The following ACTN3 variants were observed in gnomAD, a reference collection of about 807,000 sequenced individuals.
ACTN3 encodes actinin alpha 3.
Under a neutral mutation model 119.6 loss-of-function variants are expected in ACTN3, and 91 were observed. The observed-to-expected ratio is 0.76, with a 90% CI of 0.64 to 0.91. ACTN3 has a LOEUF of 0.91. Among genes scored for constraint, ACTN3 ranks in the 40% least tolerant of loss-of-function variants. The pLI is 0.00. For missense variants in ACTN3, 1,221 were observed against 1,215.1 expected, an observed-to-expected ratio of 1.00 and a Z score of -0.07; for synonymous variants, 456 against 478.8, an observed-to-expected ratio of 0.95 and a Z score of 0.62.
Position 66,559,425 on chromosome 11 carries a change from G to A in ACTN3, c.1427+39G>A, listed in dbSNP as rs995194572. 5 of 1,215,662 alleles carry A rather than the reference G, an allele frequency of 4.1e-6. No homozygotes were observed. In the African/African-American group the frequency reaches 6.7e-5, roughly 16 times the overall value. 75.3% of individuals were successfully genotyped at this position (1,215,662 alleles called of 1,614,324 possible). On this transcript the variant is annotated intron_variant, in intron 12 of 20. Transcript: ENST00000513398. ...CGCGGGGCCCGCCCCCAACACCCCC[G>A]GCCCCGCCCCCGGTGGCGAGCCCCA... is the stretch of plus-strand genomic sequence containing the variant.
At chr11:66,546,473 G>T, upstream of ACTN3, 2 of 1,489,170 alleles carry the variant, frequency 1.3e-6, no homozygotes, top group Non-Finnish European at 1.8e-6. Context: ...CAGAAAACAT[G>T]CAAAACAGCT....
chr11:66,554,725 A>G, intron 5 of ACTN3, 102 bp downstream of exon 5: 1 of 969,416 alleles, frequency 1.0e-6, no homozygotes, highest in Non-Finnish European at 1.5e-6. Flanking sequence ...GGTCTCTGTC[A>G]CAAGCCACAG....
intron 17 of ACTN3, 25 bp downstream of exon 17, chr11:66,561,662 G>A (rs1857771756): frequency 6.2e-7 from 1 of 1,600,418 alleles, no homozygotes; most frequent in Non-Finnish European, 8.5e-7. Context: ...TCTCAGGAGA[G>A]TGGGGAGGCA....
Position 66,558,175 on chromosome 11 carries a change from G to A in ACTN3, c.1276+1G>A, listed in dbSNP as rs376872731. Reference sequence around the variant, plus strand: ...TCCCTGCACGAAGCCTGGACCCGGGGTAGGTAGACCTACCTCATGGGGCTG... The same window carrying A: ...TCCCTGCACGAAGCCTGGACCCGGGATAGGTAGACCTACCTCATGGGGCTG... On this transcript the variant is annotated splice_donor_variant, in intron 11 of 20. Coordinates refer to ENST00000513398, the MANE Select transcript of ACTN3 (RefSeq NM_001104.4). LOFTEE classifies it high-confidence loss of function. 119 of 1,612,678 alleles carry A rather than the reference G, an allele frequency of 7.4e-5. No individual in the cohort carries two copies. The highest frequency in any genetic ancestry group is 6.8e-4 in the Admixed American group (41 of 60,026).
intron 2 of ACTN3, 48 bp from the exon 3 acceptor site, chr11:66,551,480 A>G: frequency 3.8e-6 from 6 of 1,595,826 alleles, no homozygotes; most frequent in Non-Finnish European, 5.1e-6. Context: ...CAATAGCTTC[A>G]GCTGCCTCTC....
Position 66,560,331 on chromosome 11 carries a change from GGGAT to G in ACTN3, c.1677+25_1677+28del. 1.2e-6 allele frequency: 2 copies of G among 1,605,208 alleles called. No homozygotes were observed. Among genetic ancestry groups the G allele is most frequent in the Non-Finnish European group, 1.7e-6 (2 of 1,174,616 alleles). ...ACCCAGGTGGGTGCCAGGGTTGCAGGGGATGGATAGGATGACAGGAAAGCTGGCC... is the reference window on the plus strand; with the variant it reads ...ACCCAGGTGGGTGCCAGGGTTGCAGGGGATAGGATGACAGGAAAGCTGGCC... On this transcript the variant is annotated intron_variant, in intron 14 of 20. Transcript: ENST00000513398.
At position 66,546,923 on chromosome 11, in the gene ACTN3, A is replaced by G. The variant is rs903643700; in HGVS notation, c.-15A>G. On this transcript the variant is annotated 5_prime_UTR_variant, in exon 1 of 21. Coordinates refer to ENST00000513398, the MANE Select transcript of ACTN3 (RefSeq NM_001104.4). ...AGAGCGTGCCGAGCGGAGCGAAGCCAGGAGCCCGATCGAGATGATGATGGT... is the reference window on the plus strand; with the variant it reads ...AGAGCGTGCCGAGCGGAGCGAAGCCGGGAGCCCGATCGAGATGATGATGGT... 9 of 1,536,836 alleles carry G rather than the reference A, an allele frequency of 5.9e-6. No individual in the cohort carries two copies. The highest frequency in any genetic ancestry group is 7.9e-6 in the Non-Finnish European group (9 of 1,145,642).
chr11:66,556,097 G>C, intron 7 of ACTN3, 48 bp from the exon 8 acceptor site: 1 of 1,549,822 alleles, frequency 6.5e-7, no homozygotes, highest in Non-Finnish European at 8.8e-7. Flanking sequence ...TCTGCCTGGG[G>C]AGGGACCCCT....
chr11:66,552,878 TCTCACACACA>T (rs1372239414), intron 3 of ACTN3, among the ~76,000 whole-genome samples: 14 of 71,976 alleles, frequency 1.9e-4, no homozygotes, highest in African/African-American at 1.0e-3. Flanking sequence ...TCTCTCTCTC[TCTCACACACA>T]CACACACACA....
At chr11:66,549,731 C>CT (rs1280094426) in intron 1 of ACTN3, among the ~76,000 whole-genome samples, 1 of 20,142 alleles carries the variant, frequency 5.0e-5, no homozygotes, top group African/African-American at 1.6e-4. Context: ...AACTCTGTCT[C>CT]CAAAAAAAAA....
chr11:66,554,042 CAG>C lies in ACTN3; in HGVS notation c.384_385del. The C allele has an allele frequency of 6.2e-7, 1 of 1,613,618 alleles. No homozygotes were observed. The highest frequency in any genetic ancestry group is 8.5e-7 in the Non-Finnish European group (1 of 1,179,814). On this transcript the variant is annotated splice_acceptor_variant, in intron 3 of 20. Transcript: ENST00000513398. LOFTEE classifies it high-confidence loss of function. ...AATCTGTCCCCTGACCCCTGCCCTGCAGAGATTGTTGACGGGAACCTGAAGAT... is the reference window on the plus strand; with the variant it reads ...AATCTGTCCCCTGACCCCTGCCCTGCAGATTGTTGACGGGAACCTGAAGAT...
chr11:66,560,136 G>A, intron 13 of ACTN3, 35 bp from the exon 14 acceptor site: 1 of 1,564,676 alleles, frequency 6.4e-7, no homozygotes, highest in Non-Finnish European at 8.7e-7. Flanking sequence ...GGTCTGCAGG[G>A]CAGGCTTCTG....
intron 15 of ACTN3, 144 bp from the exon 16 acceptor site, chr11:66,561,083 G>C: frequency 8.5e-7 from 1 of 1,179,816 alleles, no homozygotes; most frequent in Non-Finnish European, 1.2e-6. Context: ...ATGGGTTAGT[G>C]ACTTGCCCAA....
chr11:66,547,413 G>T (rs1857377833), intron 1 of ACTN3, among the ~76,000 whole-genome samples: 1 of 152,132 alleles, frequency 6.6e-6, no homozygotes, highest in Middle Eastern at 3.2e-3. Context: ...TCAGAAAGAA[G>T]AATCTTCTTC....
chr11:66,552,260 C>T (rs1857488818), intron 3 of ACTN3, among the ~76,000 whole-genome samples: 1 of 151,802 alleles, frequency 6.6e-6, no homozygotes, highest in Non-Finnish European at 1.5e-5. Context: ...ATCCCAACTA[C>T]TTAGGAGGCT....
intron 1 of ACTN3, among the ~76,000 whole-genome samples, chr11:66,550,687 G>A (rs1857451225): frequency 6.6e-6 from 1 of 152,180 alleles, no homozygotes; most frequent in African/African-American, 2.4e-5. Flanking sequence ...GGGCCCGAGT[G>A]CCAGCTGACG....
intron 20 of ACTN3, 27 bp downstream of exon 20, chr11:66,562,981 G>A: frequency 6.2e-7 from 1 of 1,609,994 alleles, no homozygotes; most frequent in Non-Finnish European, 8.5e-7. Flanking sequence ...GGAGGGGCTG[G>A]TGGGCTAGGG....
In ACTN3 at chr11:66,547,083, A is replaced by G. The variant is rs1433151970; in HGVS notation, c.146A>G (p.Lys49Arg). The G allele has an allele frequency of 1.3e-6, 2 of 1,503,596 alleles. No individual in the cohort carries two copies. Among genetic ancestry groups the G allele is most frequent in the Non-Finnish European group, 1.8e-6 (2 of 1,128,952 alleles). 93.1% of individuals were successfully genotyped at this position (1,503,596 alleles called of 1,614,324 possible). Residue 49 changes from lysine to arginine, a missense_variant and splice_region_variant, in exon 1 of 21, where the codon AAA becomes AGA. This residue lies in a region of ACTN3 where 239 missense variants were observed against 231.8 expected (regional missense o/e 1.03). Coordinates refer to ENST00000513398, the MANE Select transcript of ACTN3 (RefSeq NM_001104.4). Reference protein sequence around the residue: ...LDPAWEKQQRKTFTAWCNSHL... With the variant: ...LDPAWEKQQRRTFTAWCNSHL... ...CCGGCCTGGGAGAAGCAGCAGCGGA[A>G]AGTGAGTGCTCGCCCATTTCCTGAC...
chr11:66,553,351 C>T (rs1311213481), intron 3 of ACTN3, among the ~76,000 whole-genome samples: 4 of 151,114 alleles, frequency 2.6e-5, no homozygotes, highest in South Asian at 4.2e-4. Flanking sequence ...GTCGGGAGTT[C>T]GAGACCAGCC....
Sources: allele counts gnomAD v4.1 joint callset (sites outside exome capture counted in the v4.1 genomes callset), GRCh38; gene constraint gnomAD v4.1.1; regional missense constraint gnomAD v4.1.1; transcripts MANE v1.5; gene names NCBI Gene and HGNC (gene_info 2026-07-23, HGNC 2026-07-21).